Variants in KDM2B observed in about 807,000 individuals in gnomAD.
The protein encoded by KDM2B is lysine demethylase 2B, also known as lysine-specific demethylase 2B.
In KDM2B, 26 loss-of-function variants were observed where a neutral mutation model predicts 150.0. That is an observed-to-expected ratio of 0.17 (90% confidence interval 0.13 to 0.24). The LOEUF is 0.24. Among genes scored for constraint, KDM2B ranks in the 10% least tolerant of loss-of-function variants. The pLI is 1.00. For missense variants in KDM2B, 1,265 were observed against 1,816.9 expected (o/e 0.70, Z 5.52); for synonymous variants, 734 against 729.5 (o/e 1.01, Z -0.10).
chr12:121,419,477 G>A, the KDM2B span, among the ~76,000 whole-genome samples: 1 of 152,312 alleles, frequency 6.6e-6, no homozygotes, highest in East Asian at 1.9e-4. Context: ...TATTTATGCT[G>A]CAAACATAAG....
At chr12:121,420,386 G>A in the KDM2B span, 1 of 1,554,116 alleles carries the variant, frequency 6.4e-7, no homozygotes, top group Non-Finnish European at 8.7e-7. Flanking sequence ...CTGACAGGAA[G>A]GGACAGTGCC....
rs1405984776 is a variant in KDM2B, at chr12:121,468,877, CG to C, written c.1735-15534del. On this transcript the variant is annotated intron_variant, in intron 12 of 22. Coordinates refer to ENST00000377071, the MANE Select transcript of KDM2B (RefSeq NM_032590.5). The surrounding 1 kb of genome is among the most constrained non-coding windows in gnomAD (Gnocchi z 4.0). Reference sequence around the variant, plus strand: ...CCAGTCGACTTGCTCTTTGCCGAAACGTATCTGTTCTGAGTTTCCTTCCTTA... The same window carrying C: ...CCAGTCGACTTGCTCTTTGCCGAAACTATCTGTTCTGAGTTTCCTTCCTTA... 6.6e-6 allele frequency: 1 copy of C among 151,286 alleles called. No homozygotes were observed. The highest frequency in any genetic ancestry group is 2.4e-5 in the African/African-American group (1 of 41,034). The allele number at this position is 151,286 out of a possible 1,614,324, so 9.4% of individuals were successfully genotyped here.
chr12:121,553,548 T>C (rs1244198489), intron 4 of KDM2B, among the ~76,000 whole-genome samples: 1 of 152,208 alleles, frequency 6.6e-6, no homozygotes, highest in African/African-American at 2.4e-5. Context: ...AATCAGTTTC[T>C]TCTTCATCTA....
chr12:121,516,524 G>T, intron 9 of KDM2B: 2 of 1,421,590 alleles, frequency 1.4e-6, no homozygotes, highest in Admixed American at 2.3e-5. Flanking sequence ...CACATGCCTG[G>T]GGACATTAAA....
chr12:121,423,522 G>A, the KDM2B span: 1 of 1,614,228 alleles, frequency 6.2e-7, no homozygotes, highest in South Asian at 1.1e-5. This position sits in a 1 kb window ranked among gnomAD's most constrained non-coding sequence, Gnocchi z 4.3. Flanking sequence ...GCATGAGTGA[G>A]TGTCCCATCT....
intron 11 of KDM2B, among the ~76,000 whole-genome samples, chr12:121,501,735 C>A (rs566345290): frequency 2.6e-4 from 40 of 152,294 alleles, no homozygotes; most frequent in African/African-American, 9.6e-4. Flanking sequence ...ATTCTCCTGC[C>A]TCAGCCTCCA....
chr12:121,562,701 G>C (rs533926753), intron 4 of KDM2B, among the ~76,000 whole-genome samples: 2 of 151,302 alleles, frequency 1.3e-5, no homozygotes, highest in Non-Finnish European at 2.9e-5. Context: ...AGGAAGAGAG[G>C]GGGGAGGAGG....
At chr12:121,548,324 C>A (rs112604833) in intron 6 of KDM2B, among the ~76,000 whole-genome samples, 357 of 152,286 alleles carry the variant, frequency 2.3e-3, no homozygotes, top group Middle Eastern at 0.014. Context: ...TAGTGTCAGC[C>A]TCCTGCTCAG....
Position 121,481,767 on chromosome 12 carries a change from G to T in KDM2B, c.1734+12812C>A, listed in dbSNP as rs531697371. On this transcript the variant is annotated intron_variant, in intron 12 of 22. Transcript: ENST00000377071. ...AAGAACTTATCTTAGGGTTTTTTTT[G>T]TTTGTTTGTTTGTTTGTTTGTTTGT... 5.4e-3 allele frequency among the ~76,000 whole-genome samples: 774 copies of T among 143,818 alleles called. 3 individuals are homozygous for T. The highest frequency in any genetic ancestry group is 0.014 in the Middle Eastern group (4 of 290). The allele number at this position is 143,818 out of a possible 152,430, so 94.4% of individuals were successfully genotyped here. A position where few individuals can be genotyped will look rare whatever the true frequency, so the allele number is the denominator to read the frequency against.
chr12:121,579,050 T>C (rs1891730807), intron 1 of KDM2B, 104 bp from the exon 2 acceptor site: 1 of 1,283,498 alleles, frequency 7.8e-7, no homozygotes, highest in Non-Finnish European at 1.1e-6. Context: ...GAGCGCCCCC[T>C]GCACCCCACC....
At chr12:121,539,983 A>G (rs958549687) in intron 6 of KDM2B, among the ~76,000 whole-genome samples, 1 of 152,022 alleles carries the variant, frequency 6.6e-6, no homozygotes, top group African/African-American at 2.4e-5. Flanking sequence ...CAAGCAATCC[A>G]CCCACCTGGA....
chr12:121,580,359 T>TG (rs1242273365), intron 1 of KDM2B: 35 of 449,708 alleles, frequency 7.8e-5, no homozygotes, highest in Admixed American at 7.4e-4. Flanking sequence ...GGCCCGGGCT[T>TG]GGGGGGGTGG....
rs1034931500 is a variant in KDM2B at position 121,537,181 on chromosome 12, G to A, written c.684-2591C>T. On this transcript the variant is annotated intron_variant, in intron 6 of 22. Coordinates refer to ENST00000377071, the MANE Select transcript of KDM2B (RefSeq NM_032590.5). The surrounding 1 kb of genome is among the most constrained non-coding windows in gnomAD (Gnocchi z 8.7). ...TCGCAGGCATTAGGGGAGCCAGGGT[G>A]GCTGGGACAGCGCGGCTTTGTCCGG... 3 of 152,244 alleles carry A rather than the reference G, an allele frequency of 2.0e-5. No individual in the cohort carries two copies. The highest frequency in any genetic ancestry group is 7.2e-5 in the African/African-American group (3 of 41,450). The allele number at this position is 152,244 out of a possible 1,614,324, so 9.4% of individuals were successfully genotyped here. A position where few individuals can be genotyped will look rare whatever the true frequency, so the allele number is the denominator to read the frequency against.
the KDM2B span, chr12:121,423,595 G>A: frequency 1.2e-6 from 2 of 1,604,902 alleles, no homozygotes; most frequent in Non-Finnish European, 1.7e-6. The surrounding 1 kb of genome is among the most constrained non-coding windows in gnomAD (Gnocchi z 4.3). Flanking sequence ...CCCCTCACCA[G>A]GACAGTCACC....
intron 8 of KDM2B, among the ~76,000 whole-genome samples, chr12:121,532,035 T>C (rs1189946943): frequency 6.6e-6 from 1 of 151,754 alleles, no homozygotes; most frequent in Non-Finnish European, 1.5e-5. Context: ...ACATGAGAAC[T>C]GCTTGAACCT....
At chr12:121,482,146 A>G (rs1050683523) in intron 12 of KDM2B, among the ~76,000 whole-genome samples, 1 of 152,132 alleles carries the variant, frequency 6.6e-6, no homozygotes, top group Non-Finnish European at 1.5e-5. Context: ...ATCCTTGGCC[A>G]CTGACTTTAA....
In KDM2B at chr12:121,430,409, T is replaced by C. The variant is rs370156297; in HGVS notation, c.3890A>G (p.His1297Arg). 1.5e-5 allele frequency: 25 copies of C among 1,614,038 alleles called. No homozygotes were observed. Among genetic ancestry groups the C allele is most frequent in the Admixed American group, 8.3e-5 (5 of 59,988 alleles). Residue 1297 changes from histidine (H) to arginine (R), a missense_variant, in exon 23 of 23, where the codon CAT becomes CGT. Physicochemically the swap from His to Arg is conservative, Grantham distance 29. Coordinates refer to ENST00000377071, the MANE Select transcript of KDM2B (RefSeq NM_032590.5). This position sits in a 1 kb window ranked among gnomAD's most constrained non-coding sequence, Gnocchi z 4.4. ...SFFKRCGNIC[H>R]IDLRYCKQVT... ...TTGCTTGCAGTACCTCAGGTCAATA[T>C]GACAGATGTTTCCACAGCGTTTGAA... is the stretch of plus-strand genomic sequence containing the variant.
At chr12:121,457,461 C>T (rs1878443038) in intron 12 of KDM2B, among the ~76,000 whole-genome samples, 1 of 151,964 alleles carries the variant, frequency 6.6e-6, no homozygotes, top group Non-Finnish European at 1.5e-5. Flanking sequence ...AGCATTTCGT[C>T]ATGTTGGCCA....
rs1178079193 is a variant in KDM2B, at chr12:121,452,737, TG to T, written c.1959+382del. ...CTCAGTACCATAAATCACTCCTTGT[TG>T]GGGGCAGCCCCCTGAGATGGGGCGC... is the stretch of plus-strand genomic sequence containing the variant. On this transcript the variant is annotated intron_variant, in intron 13 of 22. Coordinates refer to ENST00000377071, the MANE Select transcript of KDM2B (RefSeq NM_032590.5). This position sits in a 1 kb window ranked among gnomAD's most constrained non-coding sequence, Gnocchi z 4.4. Among the ~76,000 whole-genome samples, 1 of 152,052 alleles carries T rather than the reference TG, an allele frequency of 6.6e-6. No homozygotes were observed. The highest frequency in any genetic ancestry group is 1.5e-5 in the Non-Finnish European group (1 of 67,994).
Sources: gnomAD v4.1 joint callset for allele counts (sites outside exome capture counted in the v4.1 genomes callset) on GRCh38, gnomAD v4.1.1 for gene constraint, Gnocchi (gnomAD v3.1) non-coding constraint, MANE v1.5 for transcripts, NCBI Gene and HGNC (gene_info 2026-07-23, HGNC 2026-07-21) for gene names.